FAT4: variants seen among roughly 807,000 people sequenced by gnomAD.
FAT4 encodes the protein protocadherin Fat 4.
A neutral mutation model predicts 303.9 loss-of-function variants in FAT4; 84 were observed. The ratio of observed to expected loss-of-function variants is 0.28; its 90% CI spans 0.23 to 0.33. The LOEUF (loss-of-function observed/expected upper bound fraction) is 0.33, where lower values mean the gene tolerates loss of function less well. FAT4 is among the 10% of genes least tolerant of loss of function. The pLI is 1.00. For missense variants in FAT4, 6,005 were observed against 6,146.8 expected (o/e 0.98, Z 0.77); for synonymous variants, 2,307 against 2,298.8 (o/e 1.00, Z -0.10).
chr4:125,425,066 G>A (rs1383902587), intron 7 of FAT4, among the ~76,000 whole-genome samples: 3 of 152,130 alleles, frequency 2.0e-5, no homozygotes, highest in Non-Finnish European at 4.4e-5. Flanking sequence ...TTAGTTCTCA[G>A]GGAAGACATT....
At chr4:125,432,956 A>G (rs945442004) in intron 7 of FAT4, among the ~76,000 whole-genome samples, 1 of 152,236 alleles carries the variant, frequency 6.6e-6, no homozygotes, top group East Asian at 1.9e-4. Context: ...TAGAATTCAC[A>G]AAAATAACAG....
At chr4:125,483,629 T>G (rs1252277011) in intron 16 of FAT4, among the ~76,000 whole-genome samples, 3 of 152,098 alleles carry the variant, frequency 2.0e-5, no homozygotes. Flanking sequence ...TAACTTAATT[T>G]TTTTCCTGAA....
chr4:125,411,869 T>TG (rs1475653358), intron 5 of FAT4, among the ~76,000 whole-genome samples: 1 of 150,776 alleles, frequency 6.6e-6, no homozygotes, highest in Non-Finnish European at 1.5e-5. Context: ...TATATATATA[T>TG]ATATGACGAA....
Position 125,321,112 on chromosome 4 carries a change from C to A in FAT4, c.4701C>A (p.Ile1567=). ...EGANGEIEYE[I]INGDTDTFIV... ...CTAATGGAGAAATAGAGTATGAGAT[C>A]ATCAATGGGGACACAGACACCTTCA... Residue 1567 remains isoleucine, a synonymous_variant, in exon 2 of 18, where the codon ATC becomes ATA. Transcript: ENST00000394329. The A allele has an allele frequency of 6.2e-7, 1 of 1,614,172 alleles. No homozygotes were observed.
chr4:125,485,021 T>A (rs115818716), intron 16 of FAT4, among the ~76,000 whole-genome samples: 3,493 of 152,050 alleles, frequency 0.023, 133 homozygotes, highest in African/African-American at 0.076. Context: ...CCGGGCTAAC[T>A]TTTGTATTTT....
intron 8 of FAT4, among the ~76,000 whole-genome samples, chr4:125,440,703 C>G (rs181947674): frequency 6.7e-6 from 1 of 148,876 alleles, no homozygotes; most frequent in East Asian, 2.1e-4. Flanking sequence ...TCTGTACTAT[C>G]AACTCTGATT....
chr4:125,410,882 G>A (rs1734812924), intron 5 of FAT4, among the ~76,000 whole-genome samples: 1 of 151,890 alleles, frequency 6.6e-6, no homozygotes, highest in African/African-American at 2.4e-5. Flanking sequence ...TTTATTCATT[G>A]TTTTAGTTTT....
At chr4:125,335,637 A>G (rs1731542531) in intron 2 of FAT4, among the ~76,000 whole-genome samples, 1 of 152,070 alleles carries the variant, frequency 6.6e-6, no homozygotes, top group Non-Finnish European at 1.5e-5. Flanking sequence ...CAATTTTTTA[A>G]GCTTCATTAA....
intron 7 of FAT4, among the ~76,000 whole-genome samples, chr4:125,433,105 G>A (rs1313075641): frequency 6.6e-6 from 1 of 152,108 alleles, no homozygotes; most frequent in Non-Finnish European, 1.5e-5. Flanking sequence ...TTGAATAGTG[G>A]TAAAGGAAAT....
intron 2 of FAT4, among the ~76,000 whole-genome samples, chr4:125,338,058 A>T (rs563482869): frequency 6.8e-4 from 103 of 152,300 alleles, no homozygotes; most frequent in Non-Finnish European, 1.1e-3. Context: ...TTCATCAGAC[A>T]AGATTGCCAG....
At chr4:125,477,808 T>C (rs1255280121) in intron 14 of FAT4, among the ~76,000 whole-genome samples, 1 of 152,150 alleles carries the variant, frequency 6.6e-6, no homozygotes, top group Admixed American at 6.5e-5. Flanking sequence ...TAAGGCTTTT[T>C]TATTTGATTA....
Position 125,407,692 on chromosome 4 carries a change from A to G in FAT4, c.5569+551A>G, listed in dbSNP as rs563989185. Among the ~76,000 whole-genome samples the G allele has an allele frequency of 2.6e-5, 4 of 152,250 alleles. No homozygotes were observed. The South Asian group carries it at 8.3e-4, about 32-fold the overall frequency. On this transcript the variant is annotated intron_variant, in intron 4 of 17. Transcript: ENST00000394329. ...TATTAGCAAATGCCCATTAAGTGTT[A>G]TAAGAAACTGAATCTTTAATTATAA...
intron 2 of FAT4, among the ~76,000 whole-genome samples, chr4:125,330,120 G>T (rs1255588518): frequency 1.3e-5 from 2 of 152,098 alleles, no homozygotes; most frequent in Non-Finnish European, 2.9e-5. Context: ...AACTTGCTAG[G>T]CACACATTAG....
chr4:125,446,067 A>G (rs1321244289), intron 8 of FAT4: 1 of 386,716 alleles, frequency 2.6e-6, no homozygotes, highest in Non-Finnish European at 4.7e-6. Flanking sequence ...CCTTGTGAAG[A>G]CTTCCTTGAC....
At chr4:125,383,127 A>G (rs187902596) in intron 2 of FAT4, among the ~76,000 whole-genome samples, 2 of 152,260 alleles carry the variant, frequency 1.3e-5, no homozygotes, top group East Asian at 3.9e-4. Context: ...AATTTCCTTC[A>G]GTATCATTTC....
chr4:125,320,540 A>G lies in FAT4; in HGVS notation c.4129A>G (p.Lys1377Glu). Residue 1377 changes from lysine to glutamate, a missense_variant, in exon 2 of 18, where the codon AAA becomes GAA. Physicochemically the swap from Lys to Glu is moderately conservative, Grantham distance 56. Coordinates refer to ENST00000394329, the MANE Select transcript of FAT4 (RefSeq NM_001291303.3). ...CACTGGGAGTATTTTTCTTGCCAAA[A>G]AACTGGACTTTGAAACACAGTCTTT... Reference protein sequence around the residue: ...PNTGSIFLAKKLDFETQSLYK... With the variant: ...PNTGSIFLAKELDFETQSLYK... The G allele has an allele frequency of 3.1e-6, 5 of 1,614,038 alleles. No homozygotes were observed. The highest frequency in any genetic ancestry group is 4.2e-6 in the Non-Finnish European group (5 of 1,179,932).
At chr4:125,435,042 A>G (rs1725405570) in intron 8 of FAT4, among the ~76,000 whole-genome samples, 1 of 152,238 alleles carries the variant, frequency 6.6e-6, no homozygotes, top group South Asian at 2.1e-4. Context: ...AGAAACATGC[A>G]TCACTCGTTG....
At chr4:125,330,130 G>A (rs1056185659) in intron 2 of FAT4, among the ~76,000 whole-genome samples, 3 of 152,132 alleles carry the variant, frequency 2.0e-5, no homozygotes, top group African/African-American at 7.2e-5. Context: ...GCACACATTA[G>A]CCTTCGGGCT....
chr4:125,389,990 C>T (rs1005896718), intron 2 of FAT4, among the ~76,000 whole-genome samples: 1 of 152,026 alleles, frequency 6.6e-6, no homozygotes, highest in African/African-American at 2.4e-5. Flanking sequence ...TTCTGGATGT[C>T]GTGAAACATT....
Sources: gnomAD v4.1 joint callset for allele counts (sites outside exome capture counted in the v4.1 genomes callset) on GRCh38, gnomAD v4.1.1 for gene constraint, MANE v1.5 for transcripts, NCBI Gene and HGNC (gene_info 2026-07-23, HGNC 2026-07-21) for gene names.